FER: variants seen among roughly 807,000 people sequenced by gnomAD.
FER encodes tyrosine-protein kinase Fer.
In FER, 63 loss-of-function variants were observed where a neutral mutation model predicts 111.0. The observed-to-expected ratio is 0.57, with a 90% CI of 0.46 to 0.70. The LOEUF is 0.70. FER is among the 30% of genes least tolerant of loss of function. The pLI, the probability that FER is intolerant of heterozygous loss-of-function variation, is 0.00. For synonymous variants in FER, 327 were observed against 313.9 expected (o/e 1.04, Z -0.44); for missense variants, 914 against 954.0 (o/e 0.96, Z 0.55).
intron 4 of FER, 90 bp from the exon 5 acceptor site, chr5:108,835,617 AT>A (rs1760573544): frequency 1.4e-6 from 1 of 740,414 alleles, no homozygotes; most frequent in Non-Finnish European, 2.2e-6. Flanking sequence ...AAGTAGTGAA[AT>A]ACACATCAGT....
At chr5:108,934,953 G>A (rs932193114) in intron 10 of FER, among the ~76,000 whole-genome samples, 8 of 152,052 alleles carry the variant, frequency 5.3e-5, no homozygotes, top group African/African-American at 1.4e-4. Context: ...AGAAAAAAGC[G>A]TATATGCACA....
chr5:109,186,893 A>G (rs1313755095), intron 19 of FER, among the ~76,000 whole-genome samples: 4 of 152,230 alleles, frequency 2.6e-5, no homozygotes, highest in Admixed American at 6.5e-5. Context: ...GTAGAAGTGG[A>G]TGAAGGAAGA....
chr5:109,108,878 G>A (rs1011112440), intron 17 of FER, among the ~76,000 whole-genome samples: 1 of 152,114 alleles, frequency 6.6e-6, no homozygotes, highest in Non-Finnish European at 1.5e-5. Context: ...GAGAACTCTA[G>A]CTGGACATTG....
In FER at chr5:109,037,480, T is replaced by C. The variant is rs766291153; in HGVS notation, c.1713+2T>C. 1.1e-5 allele frequency: 18 copies of C among 1,611,020 alleles called. No individual in the cohort carries two copies. In the African/African-American group the frequency reaches 2.1e-4, roughly 19 times the overall value. On this transcript the variant is annotated splice_donor_variant, in intron 14 of 19. Transcript: ENST00000281092. LOFTEE classifies it high-confidence loss of function. The stretch of plus-strand genomic sequence containing the variant: ...ATATTGGGAGAATTACTGGGCAAGG[T>C]ATGTAATCAACTGAGCTAAATAACC...
chr5:108,917,972 TTGAGGTAGCTAA>T (rs1346218382), intron 10 of FER, among the ~76,000 whole-genome samples: 1 of 152,178 alleles, frequency 6.6e-6, no homozygotes, highest in African/African-American at 2.4e-5. Flanking sequence ...CCCAGAGTAT[TTGAGGTAGCTAA>T]TGACAACAAC....
At chr5:109,012,420 G>A in intron 13 of FER, among the ~76,000 whole-genome samples, 1 of 152,294 alleles carries the variant, frequency 6.6e-6, no homozygotes, top group East Asian at 1.9e-4. Context: ...AAAGTTTTAT[G>A]TACGTATTTT....
chr5:108,819,806 G>A, intron 3 of FER: 1 of 985,204 alleles, frequency 1.0e-6, no homozygotes, highest in Non-Finnish European at 1.2e-6. Context: ...ATATAGATTA[G>A]TTTATACCTT....
chr5:109,077,989 G>C (rs1031663599), intron 16 of FER, among the ~76,000 whole-genome samples: 6 of 152,032 alleles, frequency 3.9e-5, no homozygotes, highest in Admixed American at 6.6e-5. Flanking sequence ...TAAACTTGCA[G>C]ATCAAAAAAG....
intron 13 of FER, among the ~76,000 whole-genome samples, chr5:108,986,109 G>GT (rs1554108651): frequency 2.1e-4 from 32 of 150,634 alleles, no homozygotes; most frequent in East Asian, 9.7e-4. Flanking sequence ...ATTATTTTTT[G>GT]TTTTTTTTAT....
intron 3 of FER, among the ~76,000 whole-genome samples, chr5:108,827,604 T>C (rs1157107823): frequency 6.6e-6 from 1 of 152,122 alleles, no homozygotes; most frequent in Admixed American, 6.5e-5. Flanking sequence ...TCCTAGAATT[T>C]GACTTTATAT....
chr5:108,894,445 G>T, intron 9 of FER: 1 of 460,930 alleles, frequency 2.2e-6, no homozygotes, highest in South Asian at 2.9e-5. Flanking sequence ...ACTGAGCCCT[G>T]AATGAAGCAG....
intron 11 of FER, among the ~76,000 whole-genome samples, chr5:108,950,335 A>G (rs1469297520): frequency 6.6e-6 from 1 of 152,200 alleles, no homozygotes; most frequent in African/African-American, 2.4e-5. Flanking sequence ...ACAAATTCAA[A>G]TTCTCAAATA....
At chr5:109,084,804 C>T (rs1300238020) in intron 16 of FER, among the ~76,000 whole-genome samples, 1 of 151,818 alleles carries the variant, frequency 6.6e-6, no homozygotes, top group Non-Finnish European at 1.5e-5. Context: ...ATTATATTTT[C>T]CCCATACAGT....
chr5:108,860,472 C>G (rs1763409739), intron 5 of FER, among the ~76,000 whole-genome samples: 1 of 152,184 alleles, frequency 6.6e-6, no homozygotes, highest in Admixed American at 6.5e-5. Context: ...TGGGGCTGCA[C>G]ATCTAATCAA....
chr5:108,841,933 C>A, intron 5 of FER: 1 of 182,092 alleles, frequency 5.5e-6, no homozygotes. Flanking sequence ...CTGTTTAGGT[C>A]CTTTTTTGAA....
intron 17 of FER, among the ~76,000 whole-genome samples, chr5:109,178,103 C>A (rs1757902365): frequency 6.6e-6 from 1 of 152,148 alleles, no homozygotes; most frequent in African/African-American, 2.4e-5. Flanking sequence ...CTTCTTAGCC[C>A]AGACACCATA....
intron 17 of FER, among the ~76,000 whole-genome samples, chr5:109,133,650 A>G (rs769957325): frequency 1.4e-4 from 22 of 152,188 alleles, no homozygotes; most frequent in Non-Finnish European, 2.4e-4. Context: ...AGTTGAAGCA[A>G]GACCATGTCA....
chr5:108,877,707 T>TA (rs1260484601), intron 8 of FER, among the ~76,000 whole-genome samples: 4 of 152,228 alleles, frequency 2.6e-5, no homozygotes, highest in African/African-American at 7.2e-5. Context: ...ATGTCACACT[T>TA]AAAGTTTCAG....
chr5:108,980,923 A>T (rs1438780217), intron 13 of FER, among the ~76,000 whole-genome samples: 1 of 152,128 alleles, frequency 6.6e-6, no homozygotes, highest in Non-Finnish European at 1.5e-5. Flanking sequence ...ACTGAAAAAC[A>T]TGTTTTTGTT....
Sources: gnomAD v4.1 joint callset for allele counts (sites outside exome capture counted in the v4.1 genomes callset) on GRCh38, gnomAD v4.1.1 for gene constraint, MANE v1.5 for transcripts, NCBI Gene and HGNC (gene_info 2026-07-23, HGNC 2026-07-21) for gene names.